Variants in SKIL observed in about 807,000 individuals in gnomAD.
SKIL encodes ski-like protein.
A neutral mutation model predicts 69.6 loss-of-function variants in SKIL; 20 were observed. That is an observed-to-expected ratio of 0.29 (90% CI 0.20 to 0.42). SKIL has a LOEUF of 0.42. SKIL is among the 10% of genes least tolerant of loss of function. The probability of loss-of-function intolerance (pLI) is 1.00; values close to 1 mark genes in which losing one functional copy is unlikely to be tolerated. For synonymous variants in SKIL, 310 were observed against 279.9 expected, an observed-to-expected ratio of 1.11 and a Z score of -1.08; for missense variants, 745 against 783.1, an observed-to-expected ratio of 0.95 and a Z score of 0.58.
chr3:170,358,738 C>G (rs1577402518), intron 1 of SKIL: 1 of 152,280 alleles, frequency 6.6e-6, no homozygotes, highest in East Asian at 1.9e-4. Flanking sequence ...AGAGTCTTTT[C>G]TTTTTCCCTC....
At chr3:170,388,986 C>G (rs1174096526) in intron 4 of SKIL, among the ~76,000 whole-genome samples, 1 of 152,082 alleles carries the variant, frequency 6.6e-6, no homozygotes, top group Non-Finnish European at 1.5e-5. Context: ...TTTTCTGTCT[C>G]AGCCTCCTGA....
chr3:170,371,116 A>G (rs745400611), intron 2 of SKIL, among the ~76,000 whole-genome samples: 6 of 152,222 alleles, frequency 3.9e-5, no homozygotes, highest in Admixed American at 6.5e-5. Flanking sequence ...TAATTGCACC[A>G]TGTGATAACT....
intron 4 of SKIL, among the ~76,000 whole-genome samples, chr3:170,388,821 AC>A (rs1385813475): frequency 6.6e-6 from 1 of 151,868 alleles, no homozygotes; most frequent in African/African-American, 2.4e-5. Flanking sequence ...TATCTAAGAA[AC>A]TATTGCCTAA....
chr3:170,389,485 T>C (rs776176987), intron 4 of SKIL, among the ~76,000 whole-genome samples: 47 of 151,984 alleles, frequency 3.1e-4, no homozygotes, highest in Admixed American at 1.3e-4. Flanking sequence ...GGCAAATTTT[T>C]TGTATTTTTT....
intron 4 of SKIL, among the ~76,000 whole-genome samples, chr3:170,387,038 A>G (rs984107733): frequency 3.3e-5 from 5 of 151,880 alleles, no homozygotes; most frequent in Admixed American, 2.6e-4. Context: ...TTTTTTTAAG[A>G]TGGAGTTTCA....
At chr3:170,389,207 T>C (rs1737791424) in intron 4 of SKIL, among the ~76,000 whole-genome samples, 1 of 151,764 alleles carries the variant, frequency 6.6e-6, no homozygotes, top group Non-Finnish European at 1.5e-5. Flanking sequence ...AGCTCTTACA[T>C]TTAGGTCTTT....
At chr3:170,381,079 T>C (rs1278171071) in intron 2 of SKIL, among the ~76,000 whole-genome samples, 165 bp from the exon 3 acceptor site, 1 of 151,724 alleles carries the variant, frequency 6.6e-6, no homozygotes, top group East Asian at 1.9e-4. Context: ...TTCCCCACTC[T>C]GCCTCCCAAA....
Position 170,379,348 on chromosome 3 carries a change from C to T in SKIL, c.1099-1896C>T, listed in dbSNP as rs952014851. 3.3e-5 allele frequency among the ~76,000 whole-genome samples: 5 copies of T among 152,096 alleles called. No individual in the cohort carries two copies. The East Asian group carries it at 5.8e-4, about 18-fold the overall frequency. ...TTTTTGTTTTTTCCCTTGTTTAACT[C>T]GTTCCTAATCGCATTCTCCCTCAGT... On this transcript the variant is annotated intron_variant, in intron 2 of 6. Transcript: ENST00000259119.
At chr3:170,389,163 A>G (rs549203491) in intron 4 of SKIL, among the ~76,000 whole-genome samples, 3 of 151,274 alleles carry the variant, frequency 2.0e-5, no homozygotes, top group Non-Finnish European at 4.4e-5. Context: ...GTGAGCCACC[A>G]CATCCAGCCA....
chr3:170,378,786 ACCTCCCTCAG>A (rs1178474890), intron 2 of SKIL, among the ~76,000 whole-genome samples: 3 of 149,700 alleles, frequency 2.0e-5, no homozygotes, highest in African/African-American at 7.4e-5. Context: ...CAGGTGATCC[ACCTCCCTCAG>A]CCTCCCAAAG....
chr3:170,363,380 C>G (rs1269602152), intron 2 of SKIL, among the ~76,000 whole-genome samples: 1 of 152,152 alleles, frequency 6.6e-6, no homozygotes, highest in East Asian at 1.9e-4. Flanking sequence ...TAATTTTAGA[C>G]TCATTTATGG....
intron 3 of SKIL, among the ~76,000 whole-genome samples, chr3:170,382,718 ATTTTTT>A (rs35647654): frequency 3.3e-5 from 4 of 123,052 alleles, no homozygotes; most frequent in African/African-American, 1.3e-4. Context: ...CGCAACTTCA[ATTTTTT>A]TTTTTTTTTT....
At chr3:170,364,456 C>T (rs868637623) in intron 2 of SKIL, among the ~76,000 whole-genome samples, 7 of 150,886 alleles carry the variant, frequency 4.6e-5, no homozygotes, top group South Asian at 4.2e-4. Context: ...CCCAAGTAGC[C>T]GGGGTTACAG....
chr3:170,362,805 A>T lies in SKIL; in HGVS notation c.1098+1376A>T, dbSNP rs376354842. ...AGTCCATCCTGGGCGTCAGAGTAAG[A>T]CTCCATTTCAAAAAAAAAAAACACA... On this transcript the variant is annotated intron_variant, in intron 2 of 6. Coordinates refer to ENST00000259119, the MANE Select transcript of SKIL (RefSeq NM_005414.5). 4.1e-5 allele frequency among the ~76,000 whole-genome samples: 6 copies of T among 145,058 alleles called. No homozygotes were observed. In the East Asian group the frequency reaches 1.2e-3, roughly 29 times the overall value.
intron 2 of SKIL, among the ~76,000 whole-genome samples, chr3:170,378,290 G>A (rs139699387): frequency 1.2e-4 from 19 of 152,268 alleles, no homozygotes; most frequent in Non-Finnish European, 2.6e-4. Context: ...AGCCTGTTTT[G>A]TTGAGGGCAG....
chr3:170,386,482 T>C (rs1737640465), intron 4 of SKIL, among the ~76,000 whole-genome samples: 5 of 152,134 alleles, frequency 3.3e-5, no homozygotes, highest in Admixed American at 3.3e-4. Flanking sequence ...TTTTCTTTTT[T>C]AGAGACAGAG....
intron 2 of SKIL, among the ~76,000 whole-genome samples, chr3:170,363,458 G>A (rs1160075746): frequency 1.3e-5 from 2 of 152,010 alleles, no homozygotes; most frequent in African/African-American, 4.8e-5. Flanking sequence ...TGCTAGATAA[G>A]TTTATATTCT....
chr3:170,387,797 A>T (rs1268338246), intron 4 of SKIL, among the ~76,000 whole-genome samples: 1 of 140,266 alleles, frequency 7.1e-6, no homozygotes, highest in South Asian at 2.3e-4. Flanking sequence ...AGCCGGGCGT[A>T]GTGGCGGGCG....
At chr3:170,362,467 GCT>G (rs2108892613) in intron 2 of SKIL, among the ~76,000 whole-genome samples, 1 of 151,714 alleles carries the variant, frequency 6.6e-6, no homozygotes, top group Admixed American at 6.6e-5. Flanking sequence ...GTGCCATTGC[GCT>G]CCAGCGTAGG....
Sources: allele counts gnomAD v4.1 joint callset (sites outside exome capture counted in the v4.1 genomes callset), GRCh38; gene constraint gnomAD v4.1.1; transcripts MANE v1.5; gene names NCBI Gene and HGNC (gene_info 2026-07-23, HGNC 2026-07-21).